The following FCHSD2 variants were observed in gnomAD, a reference collection of about 807,000 sequenced individuals.
The protein encoded by FCHSD2 is FCH and double SH3 domains 2, also known as F-BAR and double SH3 domains protein 2.
In FCHSD2, 38 loss-of-function variants were observed where a neutral mutation model predicts 108.1. The ratio of observed to expected loss-of-function variants is 0.35; its 90% CI spans 0.27 to 0.46. The LOEUF is 0.46. FCHSD2 is among the 20% of genes least tolerant of loss of function. The pLI, the probability that FCHSD2 is intolerant of heterozygous loss-of-function variation, is 1.00. For missense variants in FCHSD2, 751 were observed against 897.8 expected (o/e 0.84, Z 2.09); for synonymous variants, 279 against 314.7 (o/e 0.89, Z 1.20).
intron 3 of FCHSD2, among the ~76,000 whole-genome samples, chr11:73,064,824 G>C (rs1470087679): frequency 6.6e-6 from 1 of 152,106 alleles, no homozygotes; most frequent in Non-Finnish European, 1.5e-5. Context: ...TCGAATCCTT[G>C]AATAAACCAA....
intron 10 of FCHSD2, among the ~76,000 whole-genome samples, chr11:72,891,490 G>A (rs569449605): frequency 2.0e-5 from 3 of 152,150 alleles, no homozygotes; most frequent in Non-Finnish European, 2.9e-5. Context: ...GTTATCAGAA[G>A]TTTGGGAATG....
intron 5 of FCHSD2, among the ~76,000 whole-genome samples, chr11:72,991,945 C>T (rs1023443227): frequency 7.2e-5 from 11 of 152,066 alleles, no homozygotes; most frequent in African/African-American, 2.7e-4. Context: ...AAAGGGTATT[C>T]AATTAGGAAA....
rs532041123 is a variant in FCHSD2 at position 72,842,583 on chromosome 11, A to C, written c.1926+38T>G. 1.1e-4 allele frequency: 171 copies of C among 1,612,228 alleles called. 2 individuals are homozygous for C. In the South Asian group the frequency reaches 1.9e-3, roughly 18 times the overall value. On this transcript the variant is annotated intron_variant, in intron 17 of 19. Coordinates refer to ENST00000409418, the MANE Select transcript of FCHSD2 (RefSeq NM_014824.3). ...AGACCCTTTGGGAGCAATTTTCTTT[A>C]AACATCTTTTAATTCAACTGTCTCC...
At chr11:72,883,706 C>T (rs995433229) in intron 12 of FCHSD2, among the ~76,000 whole-genome samples, 30 of 152,072 alleles carry the variant, frequency 2.0e-4, no homozygotes, top group African/African-American at 7.0e-4. Flanking sequence ...CCAAGGCAGG[C>T]AGATTGCTTG....
At chr11:72,941,202 T>C (rs1314251027) in intron 8 of FCHSD2, 2 of 294,442 alleles carry the variant, frequency 6.8e-6, no homozygotes, top group African/African-American at 4.3e-5. Context: ...TTATTCTCCT[T>C]CAAGGGACCA....
intron 7 of FCHSD2, among the ~76,000 whole-genome samples, chr11:72,984,459 T>C (rs1478704240): frequency 6.6e-6 from 1 of 152,244 alleles, no homozygotes; most frequent in Non-Finnish European, 1.5e-5. Flanking sequence ...TAAAGCTTTG[T>C]AGATAACTTA....
chr11:73,027,950 T>C (rs1440379474), intron 3 of FCHSD2, among the ~76,000 whole-genome samples: 4 of 152,232 alleles, frequency 2.6e-5, no homozygotes, highest in Admixed American at 2.0e-4. Context: ...GAACTGATGT[T>C]TGGAAACCTC....
rs546642390 is a variant in FCHSD2 at position 73,107,706 on chromosome 11, T to C, written c.120-23966A>G. The stretch of plus-strand genomic sequence containing the variant: ...TAAATGACAACGTGCAAATTTATCT[T>C]TTCTGTGTCTGGCTTATTACACTAA... On this transcript the variant is annotated intron_variant, in intron 2 of 19. Transcript: ENST00000409418. Among the ~76,000 whole-genome samples the C allele has an allele frequency of 1.8e-4, 28 of 152,360 alleles. 1 individual carries two copies. The highest frequency in any genetic ancestry group is 1.8e-3 in the Admixed American group (27 of 15,308).
At chr11:72,855,086 C>A (rs549661132) in intron 13 of FCHSD2, among the ~76,000 whole-genome samples, 21 of 152,264 alleles carry the variant, frequency 1.4e-4, no homozygotes, top group African/African-American at 5.1e-4. Context: ...CCAGTCTGAC[C>A]AACATGGAGA....
At chr11:73,005,554 T>G (rs1165331960) in intron 4 of FCHSD2, among the ~76,000 whole-genome samples, 1 of 152,244 alleles carries the variant, frequency 6.6e-6, no homozygotes, top group Non-Finnish European at 1.5e-5. Flanking sequence ...CCATAAATAC[T>G]GGAGTGCCCT....
chr11:73,045,230 A>G (rs896513812), intron 3 of FCHSD2, among the ~76,000 whole-genome samples: 2 of 152,104 alleles, frequency 1.3e-5, no homozygotes, highest in African/African-American at 4.8e-5. Flanking sequence ...ACCATCTCAC[A>G]CCAGTTAGAA....
intron 2 of FCHSD2, among the ~76,000 whole-genome samples, chr11:73,132,768 G>A (rs1361116049): frequency 6.9e-6 from 1 of 145,906 alleles, no homozygotes; most frequent in East Asian, 2.0e-4. Context: ...AGATTGCAGT[G>A]AGCCATGACC....
intron 8 of FCHSD2, among the ~76,000 whole-genome samples, chr11:72,974,354 C>T (rs1475638949): frequency 1.3e-4 from 20 of 152,246 alleles, no homozygotes; most frequent in African/African-American, 4.6e-4. Flanking sequence ...ACTCTCACAA[C>T]AATGGCAATA....
chr11:73,108,046 G>A (rs1860386701), intron 2 of FCHSD2, among the ~76,000 whole-genome samples: 1 of 152,144 alleles, frequency 6.6e-6, no homozygotes, highest in Non-Finnish European at 1.5e-5. Flanking sequence ...CTGTCTGAGG[G>A]TCCCCTTTTC....
At position 73,042,209 on chromosome 11, in the gene FCHSD2, G is replaced by A. The variant is rs191465767; in HGVS notation, c.166-26324C>T. Among the ~76,000 whole-genome samples, 52 of 152,256 alleles carry A rather than the reference G, an allele frequency of 3.4e-4. No individual in the cohort carries two copies. In the East Asian group the frequency reaches 6.0e-3, roughly 17 times the overall value. On this transcript the variant is annotated intron_variant, in intron 3 of 19. Coordinates refer to ENST00000409418, the MANE Select transcript of FCHSD2 (RefSeq NM_014824.3). ...CCCAGTGTTGGGACTACAGGCATGC[G>A]CCACTGCACCCGGCTGAGATTATTT...
chr11:73,028,089 C>T (rs1445320108), intron 3 of FCHSD2, among the ~76,000 whole-genome samples: 15 of 152,320 alleles, frequency 9.8e-5, no homozygotes, highest in African/African-American at 3.4e-4. Flanking sequence ...GGAGCCCCCA[C>T]ACAGAATGCT....
intron 12 of FCHSD2, among the ~76,000 whole-genome samples, chr11:72,871,256 C>G (rs945399200): frequency 6.6e-6 from 1 of 152,164 alleles, no homozygotes. Flanking sequence ...AAAACCAAGG[C>G]TGAAAGTGAG....
intron 8 of FCHSD2, among the ~76,000 whole-genome samples, chr11:72,967,154 C>A (rs1200179463): frequency 2.7e-5 from 4 of 150,314 alleles, no homozygotes; most frequent in Non-Finnish European, 4.4e-5. Flanking sequence ...GAGCTGAGAT[C>A]GCGCCACTGC....
intron 6 of FCHSD2, among the ~76,000 whole-genome samples, chr11:72,986,475 C>T (rs1441715601): frequency 6.6e-6 from 1 of 152,202 alleles, no homozygotes; most frequent in Non-Finnish European, 1.5e-5. Flanking sequence ...TCCCAAAGTG[C>T]TGGGATTACA....
Sources: gnomAD v4.1 joint callset for allele counts (sites outside exome capture counted in the v4.1 genomes callset) on GRCh38, gnomAD v4.1.1 for gene constraint, MANE v1.5 for transcripts, NCBI Gene and HGNC (gene_info 2026-07-23, HGNC 2026-07-21) for gene names.